PRDM6: variants seen among roughly 807,000 people sequenced by gnomAD.
PRDM6 encodes PR/SET domain 6.
A neutral mutation model predicts 60.8 loss-of-function variants in PRDM6; 25 were observed. The ratio of observed to expected loss-of-function variants is 0.41; its 90% CI spans 0.30 to 0.57. PRDM6 has a LOEUF of 0.57. PRDM6 is among the 20% of genes least tolerant of loss of function. The probability of loss-of-function intolerance (pLI) is 0.27; values close to 1 mark genes in which losing one functional copy is unlikely to be tolerated. For missense variants in PRDM6, 839 were observed against 821.3 expected (o/e 1.02, Z -0.26); for synonymous variants, 407 against 357.4 (o/e 1.14, Z -1.57).
intron 3 of PRDM6, among the ~76,000 whole-genome samples, chr5:123,147,426 C>T (rs1425699217): frequency 1.3e-5 from 2 of 152,046 alleles, no homozygotes; most frequent in African/African-American, 2.4e-5. Context: ...CAGTTGTGCA[C>T]TGTGGATATT....
intron 3 of PRDM6, among the ~76,000 whole-genome samples, chr5:123,153,038 G>GC (rs1765404805): frequency 1.3e-5 from 2 of 152,226 alleles, no homozygotes; most frequent in South Asian, 2.1e-4. Flanking sequence ...CAGACCAAAA[G>GC]CAATGGTTTG....
rs538862443 is a variant in PRDM6 at position 123,173,770 on chromosome 5, C to A, written c.1496+2662C>A. Among the ~76,000 whole-genome samples, 249 of 152,270 alleles carry A rather than the reference C, an allele frequency of 1.6e-3. 5 individuals are homozygous for A. The South Asian group carries it at 0.051, about 31-fold the overall frequency. On this transcript the variant is annotated intron_variant, in intron 6 of 7. Coordinates refer to ENST00000407847, the MANE Select transcript of PRDM6 (RefSeq NM_001136239.4). ...AGAGGGAGATATCCAGTCACTTGGA[C>A]CCCCTAATTTCATTCTAGTTACATA...
intron 3 of PRDM6, among the ~76,000 whole-genome samples, chr5:123,139,763 G>T (rs1304381379): frequency 6.6e-6 from 1 of 151,976 alleles, no homozygotes; most frequent in Non-Finnish European, 1.5e-5. Context: ...GGGGACCTTG[G>T]GTTTATTACA....
At chr5:123,177,508 A>G (rs1488680131) in intron 6 of PRDM6, among the ~76,000 whole-genome samples, 1 of 152,200 alleles carries the variant, frequency 6.6e-6, no homozygotes, top group East Asian at 1.9e-4. Context: ...TTAGAGATTA[A>G]CTAAAACAAG....
rs1318685065 is a variant in PRDM6 at position 123,180,333 on chromosome 5, G to A, written c.1673+10G>A. On this transcript the variant is annotated intron_variant, in intron 7 of 7. Coordinates refer to ENST00000407847, the MANE Select transcript of PRDM6 (RefSeq NM_001136239.4). The stretch of plus-strand genomic sequence containing the variant: ...GAGAAAAGCCCTTCAAGTAAGTAGT[G>A]GCTAGCCCTCCACCCTCTCTTTCTC... The A allele has an allele frequency of 4.5e-6, 7 of 1,544,252 alleles. No individual in the cohort carries two copies. The East Asian group carries it at 9.8e-5, about 22-fold the overall frequency.
intron 7 of PRDM6, among the ~76,000 whole-genome samples, chr5:123,183,656 A>G (rs1222444216): frequency 3.3e-5 from 5 of 152,256 alleles, no homozygotes; most frequent in African/African-American, 4.8e-5. Context: ...AATTTGCTCT[A>G]TGATACTGGA....
intron 3 of PRDM6, among the ~76,000 whole-genome samples, chr5:123,146,703 G>A (rs1426819204): frequency 6.6e-6 from 1 of 152,166 alleles, no homozygotes; most frequent in African/African-American, 2.4e-5. Flanking sequence ...TATTTGCAAG[G>A]CAGGATTCTC....
chr5:123,150,281 C>T (rs1765344602), intron 3 of PRDM6, among the ~76,000 whole-genome samples: 1 of 152,124 alleles, frequency 6.6e-6, no homozygotes, highest in South Asian at 2.1e-4. Flanking sequence ...AACTCACATG[C>T]ATTGAAACTG....
At chr5:123,120,811 G>T (rs1279650701) in intron 3 of PRDM6, among the ~76,000 whole-genome samples, 1 of 152,142 alleles carries the variant, frequency 6.6e-6, no homozygotes, top group Non-Finnish European at 1.5e-5. Context: ...TTAGCATCTA[G>T]GTTAATAGAT....
At chr5:123,130,035 C>T (rs1764785379) in intron 3 of PRDM6, among the ~76,000 whole-genome samples, 1 of 149,392 alleles carries the variant, frequency 6.7e-6, no homozygotes, top group Non-Finnish European at 1.5e-5. Flanking sequence ...CCTTCCCTTC[C>T]CTGTCCTTTC....
chr5:123,184,441 T>A (rs1410109869), intron 7 of PRDM6, among the ~76,000 whole-genome samples: 1 of 152,210 alleles, frequency 6.6e-6, no homozygotes, highest in Non-Finnish European at 1.5e-5. Context: ...CCGTCAAGGC[T>A]GTGGCATCAG....
chr5:123,167,826 T>A (rs937460939), intron 5 of PRDM6, among the ~76,000 whole-genome samples: 1 of 152,214 alleles, frequency 6.6e-6, no homozygotes, highest in Non-Finnish European at 1.5e-5. Flanking sequence ...TATTTCCCAC[T>A]CTCTTGCATG....
chr5:123,137,278 A>G (rs531413641), intron 3 of PRDM6, among the ~76,000 whole-genome samples: 8 of 152,380 alleles, frequency 5.3e-5, no homozygotes, highest in South Asian at 2.1e-4. Flanking sequence ...TCAGTGTGCA[A>G]GGTGACTGCA....
chr5:123,127,740 CCTTTCTTTCCTTTCTTTCCTTTCTTT>C (rs1455655084), intron 3 of PRDM6, among the ~76,000 whole-genome samples: 1 of 144,636 alleles, frequency 6.9e-6, no homozygotes, highest in Admixed American at 6.9e-5. Context: ...TTCCTTCTTT[CCTTTCTTTCCTTTCTTTCCTTTCTTT>C]CTTTCTTTCT....
chr5:123,145,812 G>A (rs1339681915), intron 3 of PRDM6, among the ~76,000 whole-genome samples: 1 of 152,162 alleles, frequency 6.6e-6, no homozygotes, highest in Admixed American at 6.5e-5. Flanking sequence ...TGTTGGTGTG[G>A]TTAGGAAAAG....
At chr5:123,122,483 T>C (rs991093210) in intron 3 of PRDM6, among the ~76,000 whole-genome samples, 1 of 152,192 alleles carries the variant, frequency 6.6e-6, no homozygotes, top group African/African-American at 2.4e-5. Context: ...ATGACTGAGA[T>C]GATTTATGGC....
At chr5:123,183,595 G>T (rs912210621) in intron 7 of PRDM6, among the ~76,000 whole-genome samples, 2 of 152,154 alleles carry the variant, frequency 1.3e-5, no homozygotes, top group Non-Finnish European at 2.9e-5. Context: ...AGATAAAGGA[G>T]CATGTACGAA....
At chr5:123,146,913 A>G (rs190204847) in intron 3 of PRDM6, among the ~76,000 whole-genome samples, 2 of 152,228 alleles carry the variant, frequency 1.3e-5, no homozygotes, top group Non-Finnish European at 2.9e-5. Flanking sequence ...TTGTGGCAGC[A>G]ATCTTTATAA....
chr5:123,187,253 C>G lies in PRDM6; in HGVS notation c.*52C>G, dbSNP rs912045236. 7.2e-7 allele frequency: 1 copy of G among 1,386,554 alleles called. No homozygotes were observed. The highest frequency in any genetic ancestry group is 1.0e-6 in the Non-Finnish European group (1 of 999,122). 85.9% of individuals were successfully genotyped at this position (1,386,554 alleles called of 1,614,324 possible). A position where few individuals can be genotyped will look rare whatever the true frequency, so the allele number is the denominator to read the frequency against. Reference sequence around the variant, plus strand: ...CAAGGAAAGTCATGATTAAATGTCACGGACACTTAAGCAAAACCAAAGATT... The same window carrying G: ...CAAGGAAAGTCATGATTAAATGTCAGGGACACTTAAGCAAAACCAAAGATT... On this transcript the variant is annotated 3_prime_UTR_variant, in exon 8 of 8. Coordinates refer to ENST00000407847, the MANE Select transcript of PRDM6 (RefSeq NM_001136239.4).
Sources: allele counts gnomAD v4.1 joint callset (sites outside exome capture counted in the v4.1 genomes callset), GRCh38; gene constraint gnomAD v4.1.1; transcripts MANE v1.5; gene names NCBI Gene and HGNC (gene_info 2026-07-23, HGNC 2026-07-21).